The following ATXN1 variants were observed in gnomAD, a reference collection of about 807,000 sequenced individuals.
ATXN1 encodes the protein ataxin-1.
Under a neutral mutation model 56.4 loss-of-function variants are expected in ATXN1, and 8 were observed. The ratio of observed to expected loss-of-function variants is 0.14; its 90% CI spans 0.08 to 0.26. The LOEUF (loss-of-function observed/expected upper bound fraction) is 0.26, where lower values mean the gene tolerates loss of function less well. Among genes scored for constraint, ATXN1 ranks in the 10% least tolerant of loss-of-function variants. The pLI is 1.00. For synonymous variants in ATXN1, 514 were observed against 494.6 expected (o/e 1.04, Z -0.52); for missense variants, 987 against 1,106.5 (o/e 0.89, Z 1.53).
chr6:16,341,368 A>C (rs1337795667), intron 6 of ATXN1, among the ~76,000 whole-genome samples: 1 of 152,134 alleles, frequency 6.6e-6, no homozygotes, highest in Non-Finnish European at 1.5e-5. Context: ...AGACTCACCC[A>C]GGGAGCTTTT....
At chr6:16,632,137 G>A (rs1185728920) in intron 3 of ATXN1, among the ~76,000 whole-genome samples, 2 of 152,130 alleles carry the variant, frequency 1.3e-5, no homozygotes, top group African/African-American at 4.8e-5. Flanking sequence ...TGGCCAGTGA[G>A]GGGTGGATCA....
chr6:16,515,714 C>T (rs370891835), intron 5 of ATXN1, among the ~76,000 whole-genome samples: 87 of 152,210 alleles, frequency 5.7e-4, no homozygotes, highest in African/African-American at 1.9e-3. Flanking sequence ...TCAGCATATG[C>T]GTGGCCCCTG....
intron 3 of ATXN1, among the ~76,000 whole-genome samples, chr6:16,631,071 C>T (rs1343643621): frequency 3.3e-5 from 5 of 152,202 alleles, no homozygotes; most frequent in South Asian, 2.1e-4. Context: ...ATAAGACACT[C>T]GTGTGTGCCT....
At chr6:16,742,418 C>T (rs769027207) in intron 2 of ATXN1, among the ~76,000 whole-genome samples, 2 of 152,172 alleles carry the variant, frequency 1.3e-5, no homozygotes, top group East Asian at 3.9e-4. Flanking sequence ...AAAATTCATC[C>T]AGAGTCATTT....
intron 6 of ATXN1, among the ~76,000 whole-genome samples, chr6:16,432,309 C>T (rs1759302713): frequency 6.6e-6 from 1 of 152,200 alleles, no homozygotes. Context: ...GCAAGGCTGC[C>T]AGGCTCATGC....
chr6:16,621,636 G>T (rs1195370703), intron 3 of ATXN1, among the ~76,000 whole-genome samples: 2 of 152,148 alleles, frequency 1.3e-5, no homozygotes, highest in East Asian at 1.9e-4. Flanking sequence ...CTTGAACCCG[G>T]GAGGCAATGG....
intron 6 of ATXN1, among the ~76,000 whole-genome samples, chr6:16,341,685 AT>A (rs1761252560): frequency 6.8e-6 from 1 of 146,644 alleles, no homozygotes; most frequent in African/African-American, 2.5e-5. Flanking sequence ...CGCCTGGCTA[AT>A]TTTTTTGTAT....
chr6:16,615,739 A>G (rs1019303677), intron 3 of ATXN1: 4 of 151,858 alleles, frequency 2.6e-5, no homozygotes, highest in Admixed American at 1.3e-4. Flanking sequence ...ACAAGAGTCA[A>G]TGATTAAATT....
At chr6:16,695,785 C>T (rs1005062739) in intron 2 of ATXN1, among the ~76,000 whole-genome samples, 1 of 151,908 alleles carries the variant, frequency 6.6e-6, no homozygotes, top group African/African-American at 2.4e-5. Context: ...GGAATGAGAC[C>T]CTGTCTTTAC....
At chr6:16,751,993 C>T (rs768252836) in intron 2 of ATXN1, among the ~76,000 whole-genome samples, 3 of 152,182 alleles carry the variant, frequency 2.0e-5, no homozygotes, top group Non-Finnish European at 4.4e-5. Flanking sequence ...CATAGGACTA[C>T]TCAAGGTCAT....
chr6:16,737,158 G>A (rs1760164733), intron 2 of ATXN1: 1 of 152,114 alleles, frequency 6.6e-6, no homozygotes, highest in Non-Finnish European at 1.5e-5. Context: ...TCCTAACCAT[G>A]CACAGATGGA....
At chr6:16,535,715 C>T (rs1476383890) in intron 4 of ATXN1, among the ~76,000 whole-genome samples, 2 of 152,260 alleles carry the variant, frequency 1.3e-5, no homozygotes, top group East Asian at 1.9e-4. Flanking sequence ...TTCCTTCCAA[C>T]GAGTAGTACA....
rs116421940 is a variant in ATXN1, at chr6:16,620,031, T to C, written c.-488-34124A>G. 6.0e-3 allele frequency among the ~76,000 whole-genome samples: 915 copies of C among 152,290 alleles called. 10 individuals carry two copies. The highest frequency in any genetic ancestry group is 0.028 in the South Asian group (134 of 4,822). ...CTGTTGGGCTGCTGTGGCAATTGAA[T>C]TTTACATGTATGTAAAGCACTTAGT... On this transcript the variant is annotated intron_variant, in intron 3 of 7. Transcript: ENST00000436367.
chr6:16,706,736 A>AC (rs1554127338), intron 2 of ATXN1, among the ~76,000 whole-genome samples: 5 of 144,748 alleles, frequency 3.5e-5, no homozygotes, highest in Non-Finnish European at 6.0e-5. Flanking sequence ...AAAAAAAAAA[A>AC]AAAAGGAAGA....
In ATXN1 at chr6:16,307,242, G is replaced by A. The variant is rs9396662; in HGVS notation, c.1918-383C>T. On this transcript the variant is annotated intron_variant, in intron 7 of 7. Transcript: ENST00000436367. The stretch of plus-strand genomic sequence containing the variant: ...TGCAGGTGGCTCACAAGCCCAGCGC[G>A]GTCTTAGATTTTATGAGCTCAATGG... Among the ~76,000 whole-genome samples the A allele has an allele frequency of 0.05, 7,577 of 152,292 alleles. 911 individuals are homozygous for A. In the East Asian group the frequency reaches 0.51, roughly 10 times the overall value.
chr6:16,689,285 T>C (rs1249162165), intron 2 of ATXN1, among the ~76,000 whole-genome samples: 1 of 152,092 alleles, frequency 6.6e-6, no homozygotes, highest in Non-Finnish European at 1.5e-5. Context: ...GATGGCTTTT[T>C]ATAATTTAAA....
intron 6 of ATXN1, among the ~76,000 whole-genome samples, chr6:16,373,210 T>C (rs904354682): frequency 7.2e-5 from 11 of 152,224 alleles, no homozygotes; most frequent in Admixed American, 5.2e-4. Flanking sequence ...TATTCTTACA[T>C]TGATTATGGT....
In ATXN1 at chr6:16,374,762, T is replaced by C. The variant is rs1203885493; in HGVS notation, c.-160-46292A>G. Among the ~76,000 whole-genome samples, 3 of 152,126 alleles carry C rather than the reference T, an allele frequency of 2.0e-5. No homozygotes were observed. The East Asian group carries it at 5.8e-4, about 29-fold the overall frequency. ...GATGAAAGAAGAAAGCCCCAGCACA[T>C]AAATATTAGGGGAATGCTATAGAAG... On this transcript the variant is annotated intron_variant, in intron 6 of 7. Transcript: ENST00000436367.
rs181773391 is a variant in ATXN1, at chr6:16,435,489, C to T, written c.-161+50483G>A. Among the ~76,000 whole-genome samples the T allele has an allele frequency of 3.0e-3, 459 of 151,972 alleles. 10 individuals carry two copies. Among genetic ancestry groups the T allele is most frequent in the Non-Finnish European group, 9.7e-4 (66 of 67,990 alleles). On this transcript the variant is annotated intron_variant, in intron 6 of 7. Coordinates refer to ENST00000436367, the MANE Select transcript of ATXN1 (RefSeq NM_001128164.2). ...GGGGCCAGAAAGGGATGATGGCACC[C>T]GAAGACAGTGGTGTTCAGGAAGCCA...
Sources: gnomAD v4.1 joint callset for allele counts (sites outside exome capture counted in the v4.1 genomes callset) on GRCh38, gnomAD v4.1.1 for gene constraint, MANE v1.5 for transcripts, NCBI Gene and HGNC (gene_info 2026-07-23, HGNC 2026-07-21) for gene names.